NRCAM: variants seen among roughly 807,000 people sequenced by gnomAD.
NRCAM encodes neuronal cell adhesion molecule.
NRCAM carries 83 observed loss-of-function variants against 156.5 expected under a neutral mutation model. The observed-to-expected ratio is 0.53, with a 90% CI of 0.44 to 0.64. NRCAM has a LOEUF of 0.64. Ranked by LOEUF, NRCAM falls within the 30% of genes least tolerant of loss-of-function variation. The probability of loss-of-function intolerance (pLI) is 0.00; values close to 1 mark genes in which losing one functional copy is unlikely to be tolerated. For synonymous variants in NRCAM, 538 were observed against 563.9 expected, an observed-to-expected ratio of 0.95 and a Z score of 0.65; for missense variants, 1,417 against 1,597.3, an observed-to-expected ratio of 0.89 and a Z score of 1.92.
chr7:108,176,436 C>T lies in NRCAM; in HGVS notation c.3145G>A (p.Asp1049Asn). Residue 1049 changes from aspartate (D) to asparagine (N), a missense_variant, in exon 27 of 33, where the codon GAT becomes AAT. Around this residue, in one of 2 missense-constraint regions of NRCAM, gnomAD observed 1,238 missense variants for 1,336.4 expected, o/e 0.93. Transcript: ENST00000379028. ...TTATACATACCCATCTTACCTTCATCCACAGTTGTTACTGCTTCCTCTGTA... is the reference window on the plus strand; with the variant it reads ...TTATACATACCCATCTTACCTTCATTCACAGTTGTTACTGCTTCCTCTGTA... ...QITEEAVTTV[D>N]EAGILPPDVG... 1 of 1,612,584 alleles carries T rather than the reference C, an allele frequency of 6.2e-7. No individual in the cohort carries two copies. The highest frequency in any genetic ancestry group is 8.5e-7 in the Non-Finnish European group (1 of 1,179,322).
intron 2 of NRCAM, among the ~76,000 whole-genome samples, chr7:108,347,977 AG>A (rs2099379605): frequency 6.6e-6 from 1 of 152,258 alleles, no homozygotes; most frequent in East Asian, 1.9e-4. Context: ...ACCATGTTCT[AG>A]GAGGGTATAT....
intron 11 of NRCAM, among the ~76,000 whole-genome samples, chr7:108,211,462 C>T (rs111940816): frequency 0.017 from 2,565 of 152,248 alleles, 78 homozygotes; most frequent in African/African-American, 0.058. Context: ...TTTCTTTTGC[C>T]GCTGGGAGGT....
At chr7:108,376,942 A>G (rs1347465063) in intron 2 of NRCAM, among the ~76,000 whole-genome samples, 2 of 152,200 alleles carry the variant, frequency 1.3e-5, no homozygotes, top group East Asian at 3.8e-4. Flanking sequence ...AGGCAGGCAG[A>G]TTACTTGAGC....
intron 2 of NRCAM, among the ~76,000 whole-genome samples, chr7:108,325,227 T>C (rs1268036757): frequency 1.3e-5 from 2 of 152,164 alleles, no homozygotes; most frequent in Non-Finnish European, 1.5e-5. Flanking sequence ...TGGATTACCA[T>C]GGCATCTTCT....
chr7:108,409,621 A>C (rs1307141674), intron 1 of NRCAM, among the ~76,000 whole-genome samples: 1 of 152,222 alleles, frequency 6.6e-6, no homozygotes, highest in African/African-American at 2.4e-5. Context: ...CAGGGGTCCA[A>C]GACCCCATTT....
In NRCAM at chr7:108,378,036, T is replaced by C. The variant is rs184136647; in HGVS notation, c.-174+21400A>G. Among the ~76,000 whole-genome samples, 141 of 152,282 alleles carry C rather than the reference T, an allele frequency of 9.3e-4. 2 individuals carry two copies. The highest frequency in any genetic ancestry group is 3.2e-3 in the African/African-American group (132 of 41,564). ...AGATATGCACCCTCATAGCAGACCT[T>C]ACAGAATTCATACAGATAAAGTCCC... On this transcript the variant is annotated intron_variant, in intron 2 of 32. Coordinates refer to ENST00000379028, the MANE Select transcript of NRCAM (RefSeq NM_001037132.4).
intron 2 of NRCAM, among the ~76,000 whole-genome samples, chr7:108,320,237 G>A (rs766975729): frequency 2.0e-5 from 3 of 151,970 alleles, no homozygotes; most frequent in Non-Finnish European, 4.4e-5. Context: ...GGATAGCTTG[G>A]GTCCAGGAGT....
chr7:108,198,200 T>A, intron 13 of NRCAM, 101 bp from the exon 14 acceptor site: 1 of 811,274 alleles, frequency 1.2e-6, no homozygotes, highest in Non-Finnish European at 1.9e-6. Flanking sequence ...CTGCTCTAAG[T>A]ACATGCAGTA....
chr7:108,176,677 C>A, intron 26 of NRCAM, 71 bp from the exon 27 acceptor site: 1 of 1,184,358 alleles, frequency 8.4e-7, no homozygotes, highest in East Asian at 2.4e-5. Flanking sequence ...TAAATAAATA[C>A]GTCAACTAAA....
intron 31 of NRCAM, 22 bp downstream of exon 31, chr7:108,160,339 A>T: frequency 6.2e-7 from 1 of 1,604,898 alleles, no homozygotes; most frequent in Non-Finnish European, 8.5e-7. Context: ...ATTATAAAGC[A>T]ATTTTAATCT....
chr7:108,180,351 C>T lies in NRCAM; in HGVS notation c.2723G>A (p.Gly908Asp). The change falls in exon 25 of 33, where the codon GGC becomes GAC. Residue 908 changes from glycine (G) to aspartate (D), a missense_variant. By Grantham distance (94) the Gly-to-Asp change is moderately conservative. Around this residue, in one of 2 missense-constraint regions of NRCAM, gnomAD observed 1,238 missense variants for 1,336.4 expected, o/e 0.93. Transcript: ENST00000379028. Reference protein sequence around the residue: ...HIEKKILTFQGSKTHGMLPGL... With the variant: ...HIEKKILTFQDSKTHGMLPGL... ...CGGCAACATGCCATGAGTCTTGCTGCCTTGGAAGGTGAGGATCTTTTTCTC... is the reference window on the plus strand; with the variant it reads ...CGGCAACATGCCATGAGTCTTGCTGTCTTGGAAGGTGAGGATCTTTTTCTC... 6.2e-7 allele frequency: 1 copy of T among 1,614,176 alleles called. No individual in the cohort carries two copies. Among genetic ancestry groups the T allele is most frequent in the Non-Finnish European group, 8.5e-7 (1 of 1,180,016 alleles).
intron 3 of NRCAM, among the ~76,000 whole-genome samples, chr7:108,242,284 T>C (rs1589683247): frequency 1.4e-5 from 2 of 146,274 alleles, no homozygotes; most frequent in African/African-American, 5.1e-5. Flanking sequence ...AAAAAGAATG[T>C]GCTAAACATA....
At chr7:108,267,902 T>G (rs2097168351) in intron 3 of NRCAM, among the ~76,000 whole-genome samples, 1 of 152,220 alleles carries the variant, frequency 6.6e-6, no homozygotes, top group South Asian at 2.1e-4. Context: ...AGAATCTACT[T>G]TAGCAAAAAT....
chr7:108,278,038 C>G (rs1247412721), intron 3 of NRCAM, among the ~76,000 whole-genome samples: 1 of 152,188 alleles, frequency 6.6e-6, no homozygotes, highest in Non-Finnish European at 1.5e-5. Context: ...CACTCCAGAC[C>G]CTGTTTGCCT....
intron 3 of NRCAM, among the ~76,000 whole-genome samples, chr7:108,283,016 A>T (rs1269667524): frequency 6.6e-6 from 1 of 152,212 alleles, no homozygotes; most frequent in Non-Finnish European, 1.5e-5. Context: ...TTTAAAAACC[A>T]GTGTTTAAAA....
intron 1 of NRCAM, among the ~76,000 whole-genome samples, chr7:108,421,458 T>C (rs1263028544): frequency 6.6e-6 from 1 of 152,142 alleles, no homozygotes; most frequent in Admixed American, 6.6e-5. Context: ...CAATGAGAAA[T>C]GTAATTCAAA....
In NRCAM at chr7:108,156,470, CAAAG is replaced by C. The variant is rs1444494968; in HGVS notation, c.3677+2989_3677+2992del. The C allele has an allele frequency of 2.0e-5, 19 of 971,456 alleles. No homozygotes were observed. The South Asian group carries it at 2.9e-4, about 15-fold the overall frequency. The allele number at this position is 971,456 out of a possible 1,614,324, so 60.2% of individuals were successfully genotyped here. On this transcript the variant is annotated intron_variant, in intron 32 of 32. Coordinates refer to ENST00000379028, the MANE Select transcript of NRCAM (RefSeq NM_001037132.4). Reference sequence around the variant, plus strand: ...CTGTCTGTATAATTAAAGAAACAAACAAAGAAAGCTGCAGGCTTCCAACAGAGGG... The same window carrying C: ...CTGTCTGTATAATTAAAGAAACAAACAAAGCTGCAGGCTTCCAACAGAGGG...
intron 20 of NRCAM, 130 bp from the exon 21 acceptor site, chr7:108,184,744 ATGCCAT>A: frequency 1.5e-6 from 1 of 670,716 alleles, no homozygotes; most frequent in Non-Finnish European, 2.4e-6. Context: ...TTCAAGAAAA[ATGCCAT>A]TAAAATATTT....
chr7:108,388,245 T>A (rs950268991), intron 2 of NRCAM, among the ~76,000 whole-genome samples: 1 of 151,988 alleles, frequency 6.6e-6, no homozygotes, highest in Non-Finnish European at 1.5e-5. Flanking sequence ...TTTAATGATC[T>A]CCATTCTAAC....
Sources: allele counts gnomAD v4.1 joint callset (sites outside exome capture counted in the v4.1 genomes callset), GRCh38; gene constraint gnomAD v4.1.1; regional missense constraint gnomAD v4.1.1; transcripts MANE v1.5; gene names NCBI Gene and HGNC (gene_info 2026-07-23, HGNC 2026-07-21).